ATXN7L1: variants seen among roughly 807,000 people sequenced by gnomAD.
ATXN7L1 encodes ataxin 7 like 1, also known as ataxin-7-like protein 1.
Under a neutral mutation model 70.8 loss-of-function variants are expected in ATXN7L1, and 15 were observed. The ratio of observed to expected loss-of-function variants is 0.21; its 90% confidence interval spans 0.14 to 0.33. The LOEUF (loss-of-function observed/expected upper bound fraction) is 0.33, where lower values mean the gene tolerates loss of function less well. ATXN7L1 is among the 10% of genes least tolerant of loss of function. The pLI is 1.00. For synonymous variants in ATXN7L1, 440 were observed against 445.1 expected (o/e 0.99, Z 0.14); for missense variants, 975 against 1,097.1 (o/e 0.89, Z 1.57).
intron 7 of ATXN7L1, 33 bp from the exon 8 acceptor site, chr7:105,624,300 A>G (rs1414872365): frequency 7.6e-7 from 1 of 1,322,842 alleles, no homozygotes. Context: ...AACAAAATAA[A>G]CCAAATGAAC....
chr7:105,785,023 A>T (rs1280206276), intron 3 of ATXN7L1, among the ~76,000 whole-genome samples: 1 of 152,206 alleles, frequency 6.6e-6, no homozygotes, highest in East Asian at 1.9e-4. Flanking sequence ...ATTTGAAAGA[A>T]AGTTTGGCAG....
At chr7:105,671,135 T>TAAAAAAAAAAAA (rs1803572922) in intron 3 of ATXN7L1, among the ~76,000 whole-genome samples, 1 of 105,668 alleles carries the variant, frequency 9.5e-6, no homozygotes. Flanking sequence ...AAAAAAAAAT[T>TAAAAAAAAAAAA]AGCCGGGTGT....
At chr7:105,634,671 T>C (rs897910813) in intron 7 of ATXN7L1, among the ~76,000 whole-genome samples, 3 of 152,136 alleles carry the variant, frequency 2.0e-5, no homozygotes, top group Admixed American at 6.5e-5. Flanking sequence ...TGAAAAAAAC[T>C]ATTATAAAGC....
intron 2 of ATXN7L1, among the ~76,000 whole-genome samples, chr7:105,845,082 G>A (rs1040881277): frequency 1.3e-5 from 2 of 151,684 alleles, no homozygotes; most frequent in African/African-American, 4.8e-5. Context: ...GCGGGTGCCT[G>A]TAATCCCAGC....
chr7:105,853,017 T>C (rs763622835), intron 2 of ATXN7L1, among the ~76,000 whole-genome samples: 6 of 151,892 alleles, frequency 4.0e-5, no homozygotes, highest in Non-Finnish European at 5.9e-5. Flanking sequence ...GGTGACTTCA[T>C]AGGAACAGAA....
At chr7:105,842,290 T>A (rs578200251) in intron 2 of ATXN7L1, among the ~76,000 whole-genome samples, 1 of 152,044 alleles carries the variant, frequency 6.6e-6, no homozygotes, top group African/African-American at 2.4e-5. Flanking sequence ...CAATGTGTAA[T>A]CCTCAATGGT....
chr7:105,862,756 G>A (rs1042429443), intron 2 of ATXN7L1, among the ~76,000 whole-genome samples: 2 of 152,128 alleles, frequency 1.3e-5, no homozygotes, highest in African/African-American at 2.4e-5. Context: ...GGGACCAGCA[G>A]GGCAATCACT....
At chr7:105,746,543 T>G (rs1798610400) in intron 3 of ATXN7L1, among the ~76,000 whole-genome samples, 1 of 152,238 alleles carries the variant, frequency 6.6e-6, no homozygotes, top group African/African-American at 2.4e-5. Flanking sequence ...ACCCTCTCGC[T>G]GACTGCACTC....
intron 2 of ATXN7L1, among the ~76,000 whole-genome samples, chr7:105,855,450 C>T (rs188732246): frequency 6.6e-5 from 10 of 152,332 alleles, no homozygotes; most frequent in Admixed American, 2.0e-4. Context: ...GGATATCCTA[C>T]GTAACAGTGT....
At chr7:105,794,044 T>C (rs979787632) in intron 2 of ATXN7L1, among the ~76,000 whole-genome samples, 5 of 148,442 alleles carry the variant, frequency 3.4e-5, no homozygotes, top group Non-Finnish European at 7.4e-5. Flanking sequence ...ACATGTGGTG[T>C]ACACGCTGAT....
intron 3 of ATXN7L1, among the ~76,000 whole-genome samples, chr7:105,716,383 G>C (rs997078658): frequency 6.6e-6 from 1 of 152,080 alleles, no homozygotes; most frequent in African/African-American, 2.4e-5. Flanking sequence ...TTCCCGCAGC[G>C]TTTGGAGACC....
rs184499181 is a variant in ATXN7L1, at chr7:105,726,338, G to A, written c.356-61050C>T. On this transcript the variant is annotated intron_variant, in intron 3 of 11. Transcript: ENST00000419735. ...GGAGCATACCTCTGGCCTGTGGCAG[G>A]ACAGAATCCACTGTTCACCTTATTT... 2.6e-5 allele frequency among the ~76,000 whole-genome samples: 4 copies of A among 152,338 alleles called. No individual in the cohort carries two copies. In the East Asian group the frequency reaches 7.7e-4, roughly 29 times the overall value.
chr7:105,636,330 G>C (rs1419655697), intron 7 of ATXN7L1, among the ~76,000 whole-genome samples: 1 of 151,726 alleles, frequency 6.6e-6, no homozygotes, highest in Non-Finnish European at 1.5e-5. Flanking sequence ...GGGAGGCGGA[G>C]GTTGCAGTGA....
intron 7 of ATXN7L1, among the ~76,000 whole-genome samples, chr7:105,635,856 T>C (rs931673355): frequency 6.6e-6 from 1 of 152,128 alleles, no homozygotes; most frequent in Non-Finnish European, 1.5e-5. Context: ...TTTTTTTTTT[T>C]TTTGCCAAGT....
intron 3 of ATXN7L1, among the ~76,000 whole-genome samples, chr7:105,738,680 G>A (rs936915923): frequency 6.6e-6 from 1 of 152,158 alleles, no homozygotes; most frequent in Non-Finnish European, 1.5e-5. Context: ...CATGTAATCC[G>A]GCTCCCTGCT....
At chr7:105,692,931 T>C (rs921991940) in intron 3 of ATXN7L1, among the ~76,000 whole-genome samples, 9 of 152,068 alleles carry the variant, frequency 5.9e-5, no homozygotes, top group African/African-American at 1.9e-4. Flanking sequence ...GCCACCAGGC[T>C]GGTCTCAAAC....
intron 5 of ATXN7L1, among the ~76,000 whole-genome samples, chr7:105,641,214 C>CTCTTTTTTTTTTTTTT (rs1316374331): frequency 5.0e-4 from 11 of 21,794 alleles, no homozygotes; most frequent in South Asian, 2.7e-3. Context: ...CTCTCTCTCT[C>CTCTTTTTTTTTTTTTT]TTTTTTTTTT....
In ATXN7L1 at chr7:105,605,693, G is replaced by A. The variant is rs1401339901; in HGVS notation, c.*2159C>T. The A allele has an allele frequency of 1.3e-5, 2 of 152,106 alleles. No individual in the cohort carries two copies. The highest frequency in any genetic ancestry group is 3.9e-4 in the East Asian group (2 of 5,184). 9.4% of individuals were successfully genotyped at this position (152,106 alleles called of 1,614,324 possible). On this transcript the variant is annotated 3_prime_UTR_variant, in exon 12 of 12. Coordinates refer to ENST00000419735, the MANE Select transcript of ATXN7L1 (RefSeq NM_020725.2). ...GATTTTGTTTTTTGTTTTTACTCCT[G>A]CAAGTTTTACAACTCAAAATAAATT... is the stretch of plus-strand genomic sequence containing the variant.
chr7:105,647,137 A>G (rs949793789), intron 4 of ATXN7L1, among the ~76,000 whole-genome samples: 9 of 152,218 alleles, frequency 5.9e-5, no homozygotes, highest in African/African-American at 2.2e-4. Context: ...CTGATGTATT[A>G]ATATTTCTTT....
Sources: allele counts gnomAD v4.1 joint callset (sites outside exome capture counted in the v4.1 genomes callset), GRCh38; gene constraint gnomAD v4.1.1; transcripts MANE v1.5; gene names NCBI Gene and HGNC (gene_info 2026-07-23, HGNC 2026-07-21).